The following LDB3 variants were observed in gnomAD, a reference collection of about 807,000 sequenced individuals.
The protein encoded by LDB3 is LIM domain-binding protein 3.
A neutral mutation model predicts 69.0 loss-of-function variants in LDB3; 49 were observed. The ratio of observed to expected loss-of-function variants is 0.71; its 90% CI spans 0.56 to 0.90. The LOEUF is 0.90. Ranked by LOEUF, LDB3 falls within the 40% of genes least tolerant of loss-of-function variation. LDB3 has a pLI of 0.00. For missense variants in LDB3, 928 were observed against 974.1 expected (o/e 0.95, Z 0.63); for synonymous variants, 387 against 396.2 (o/e 0.98, Z 0.28).
chr10:86,731,185 G>GT (rs964281564), intron 13 of LDB3, among the ~76,000 whole-genome samples: 12 of 142,850 alleles, frequency 8.4e-5, no homozygotes, highest in African/African-American at 3.1e-4. Flanking sequence ...CATCTCTTTT[G>GT]TTTTTTTGTA....
At chr10:86,730,479 C>G (rs989091327) in intron 13 of LDB3, among the ~76,000 whole-genome samples, 4 of 152,230 alleles carry the variant, frequency 2.6e-5, no homozygotes, top group African/African-American at 9.6e-5. Flanking sequence ...CCAGCAAACT[C>G]AGAGGGCTAC....
intron 7 of LDB3, among the ~76,000 whole-genome samples, chr10:86,694,669 T>G (rs1845923171): frequency 6.6e-6 from 1 of 152,186 alleles, no homozygotes; most frequent in Non-Finnish European, 1.5e-5. Context: ...CAAGCAGTGA[T>G]CCCATGGACC....
intron 12 of LDB3, 33 bp from the exon 13 acceptor site, chr10:86,726,102 TGG>T (rs1413281285): frequency 6.6e-7 from 1 of 1,503,804 alleles, no homozygotes; most frequent in African/African-American, 1.4e-5. Flanking sequence ...CTGCCCCCAC[TGG>T]GTGCGGGGTC....
chr10:86,688,066 T>TGC (rs113421412), intron 5 of LDB3, among the ~76,000 whole-genome samples: 41 of 141,310 alleles, frequency 2.9e-4, no homozygotes, highest in African/African-American at 1.0e-3. Context: ...TGTGTGTGTG[T>TGC]GTGTGTGTGT....
At chr10:86,685,445 C>T (rs1845414418) in intron 5 of LDB3, among the ~76,000 whole-genome samples, 1 of 152,216 alleles carries the variant, frequency 6.6e-6, no homozygotes, top group African/African-American at 2.4e-5. Context: ...GCACTGGGGA[C>T]CCCTCAAGAG....
intron 5 of LDB3, among the ~76,000 whole-genome samples, chr10:86,684,031 C>T (rs531255177): frequency 6.6e-6 from 1 of 152,360 alleles, no homozygotes; most frequent in South Asian, 2.1e-4. Context: ...CAAAAAGAAG[C>T]CCCTTCCGCT....
intron 5 of LDB3, among the ~76,000 whole-genome samples, chr10:86,689,976 T>C (rs1304534000): frequency 6.6e-6 from 1 of 152,184 alleles, no homozygotes. Flanking sequence ...GCAGTTTCCT[T>C]ATCTGACTCC....
chr10:86,673,118 G>C (rs2354359), intron 2 of LDB3, among the ~76,000 whole-genome samples: 43,235 of 152,216 alleles, frequency 0.28, 7,144 homozygotes, highest in East Asian at 0.46. Context: ...AACCATCCTT[G>C]GACACAAGAA....
intron 9 of LDB3, among the ~76,000 whole-genome samples, chr10:86,713,952 C>G (rs182506203): frequency 1.3e-5 from 2 of 152,308 alleles, no homozygotes; most frequent in East Asian, 1.9e-4. Flanking sequence ...CGCTACCAGT[C>G]TAACTGGGCT....
chr10:86,723,682 A>G (rs1208010288), intron 12 of LDB3, among the ~76,000 whole-genome samples: 1 of 152,202 alleles, frequency 6.6e-6, no homozygotes, highest in Non-Finnish European at 1.5e-5. Flanking sequence ...GTAACTTTCT[A>G]AAGGAAGCAG....
chr10:86,697,549 C>CTTTTT (rs71019409), intron 7 of LDB3, among the ~76,000 whole-genome samples: 113 of 83,934 alleles, frequency 1.3e-3, no homozygotes, highest in Non-Finnish European at 1.6e-3. Flanking sequence ...TTCTTTCTTT[C>CTTTTT]TTTTTTTTTT....
At chr10:86,668,196 A>C (rs1216066233), upstream of LDB3, among the ~76,000 whole-genome samples, 1 of 152,176 alleles carries the variant, frequency 6.6e-6, no homozygotes, top group Non-Finnish European at 1.5e-5. Flanking sequence ...CAAAGCCCCT[A>C]CCCAAGGGAG....
chr10:86,692,091 G>A, intron 6 of LDB3, 26 bp downstream of exon 6: 1 of 1,613,222 alleles, frequency 6.2e-7, no homozygotes, highest in Non-Finnish European at 8.5e-7. Flanking sequence ...CAGGGTGGCT[G>A]CAGAGGAGGG....
chr10:86,668,688 C>T lies in LDB3; in HGVS notation c.-4C>T. 5 of 1,612,736 alleles carry T rather than the reference C, an allele frequency of 3.1e-6. No homozygotes were observed. The highest frequency in any genetic ancestry group is 4.2e-6 in the Non-Finnish European group (5 of 1,179,436). On this transcript the variant is annotated 5_prime_UTR_variant, in exon 2 of 14. Transcript: ENST00000361373. ...CTGCAGAGGCGGCCGCTGACAGCACCAGCATGTCTTACAGTGTGACCCTGA... is the reference window on the plus strand; with the variant it reads ...CTGCAGAGGCGGCCGCTGACAGCACTAGCATGTCTTACAGTGTGACCCTGA...
At chr10:86,732,700 CGCCATGTTG>C in intron 13 of LDB3, 178 bp from the exon 14 acceptor site, 1 of 581,236 alleles carries the variant, frequency 1.7e-6, no homozygotes, top group South Asian at 1.8e-5. Context: ...GATGGAGTTT[CGCCATGTTG>C]GCCAGGCTGG....
Position 86,681,323 on chromosome 10 carries a change from G to T in LDB3, c.322-113G>T. On this transcript the variant is annotated intron_variant, in intron 4 of 13. Coordinates refer to ENST00000361373, the MANE Select transcript of LDB3 (RefSeq NM_007078.3). The stretch of plus-strand genomic sequence containing the variant: ...CTGCGCCCAGGCGCTCTGGGCTTCA[G>T]GCTGCGGGGCTCGCGCTAACACATC... The T allele has an allele frequency of 3.3e-6, 5 of 1,510,660 alleles. No individual in the cohort carries two copies. In the South Asian group the frequency reaches 5.7e-5, roughly 17 times the overall value. The allele number at this position is 1,510,660 out of a possible 1,614,324, so 93.6% of individuals were successfully genotyped here. A position where few individuals can be genotyped will look rare whatever the true frequency, so the allele number is the denominator to read the frequency against.
chr10:86,681,610 G>A lies in LDB3; in HGVS notation c.496G>A (p.Ala166Thr), dbSNP rs754680250. The A allele has an allele frequency of 6.2e-7, 1 of 1,612,902 alleles. No individual in the cohort carries two copies. Among genetic ancestry groups the A allele is most frequent in the Non-Finnish European group, 8.5e-7 (1 of 1,179,762 alleles). ...GGCCTCTGACCCTGGCCCTCCGCGGGCCAGCCTGAGGGCCAAGACCAGCCC... is the reference window on the plus strand; with the variant it reads ...GGCCTCTGACCCTGGCCCTCCGCGGACCAGCCTGAGGGCCAAGACCAGCCC... ...AEASDPGPPR[A>T]SLRAKTSPEG... Residue 166 changes from alanine (A) to threonine (T), a missense_variant, in exon 5 of 14, where the codon GCC (alanine) becomes ACC (threonine). Physicochemically the swap from Ala to Thr is moderately conservative, Grantham distance 58. Transcript: ENST00000361373.
At chr10:86,675,692 C>A (rs187456158) in intron 2 of LDB3, among the ~76,000 whole-genome samples, 1 of 152,206 alleles carries the variant, frequency 6.6e-6, no homozygotes, top group Admixed American at 6.5e-5. Context: ...CTTTGAAATG[C>A]CCGGCAAATG....
At chr10:86,676,440 G>A (rs1172280505) in intron 2 of LDB3, among the ~76,000 whole-genome samples, 1 of 152,018 alleles carries the variant, frequency 6.6e-6, no homozygotes, top group African/African-American at 2.4e-5. Context: ...GCATGCGCTT[G>A]TGGTCTCAGC....
Sources: allele counts gnomAD v4.1 joint callset (sites outside exome capture counted in the v4.1 genomes callset), GRCh38; gene constraint gnomAD v4.1.1; transcripts MANE v1.5; gene names NCBI Gene and HGNC (gene_info 2026-07-23, HGNC 2026-07-21).